The following ZNF827 variants were observed in gnomAD, a reference collection of about 807,000 sequenced individuals.
ZNF827 encodes the protein zinc finger protein 827.
Under a neutral mutation model 102.4 loss-of-function variants are expected in ZNF827, and 13 were observed. The observed-to-expected ratio is 0.13, with a 90% confidence interval of 0.08 to 0.20. The LOEUF is 0.20. ZNF827 is among the 10% of genes least tolerant of loss of function. The pLI, the probability that ZNF827 is intolerant of heterozygous loss-of-function variation, is 1.00. For missense variants in ZNF827, 1,103 were observed against 1,344.4 expected (o/e 0.82, Z 2.81); for synonymous variants, 523 against 536.2 (o/e 0.98, Z 0.34).
In ZNF827 at chr4:145,869,075, C is replaced by T. The variant is rs1748461460; in HGVS notation, c.1981+1170G>A. 1.3e-5 allele frequency among the ~76,000 whole-genome samples: 2 copies of T among 152,304 alleles called. 1 individual carries two copies. Among genetic ancestry groups the T allele is most frequent in the Non-Finnish European group, 2.9e-5 (2 of 68,030 alleles). ...ATCTGCATAGGAGGTACTGCACTAT[C>T]TCTGCAAAGTTTAGGAAGACAGAGC... On this transcript the variant is annotated intron_variant, in intron 5 of 14. Transcript: ENST00000508784.
intron 1 of ZNF827, among the ~76,000 whole-genome samples, chr4:145,917,521 T>C (rs1051751295): frequency 6.6e-6 from 1 of 151,900 alleles, no homozygotes; most frequent in East Asian, 1.9e-4. Flanking sequence ...TCCCTCTTGA[T>C]TACCTCTTAA....
intron 1 of ZNF827, among the ~76,000 whole-genome samples, chr4:145,911,584 T>C (rs1193747850): frequency 6.6e-6 from 1 of 152,202 alleles, no homozygotes; most frequent in Admixed American, 6.5e-5. Flanking sequence ...CTGTACGATA[T>C]CAAAAACTAT....
At chr4:145,860,595 T>C (rs4835261) in intron 5 of ZNF827, among the ~76,000 whole-genome samples, 29,465 of 152,142 alleles carry the variant, frequency 0.19, 3,970 homozygotes, top group East Asian at 0.64. Flanking sequence ...AGATAAGTGA[T>C]ACAAGCATAT....
intron 8 of ZNF827, chr4:145,820,077 G>A (rs2126470241): frequency 6.6e-6 from 1 of 152,654 alleles, no homozygotes; most frequent in Non-Finnish European, 1.5e-5. Flanking sequence ...CCTCACTGCT[G>A]GCTTCCTTCT....
At chr4:145,838,736 GA>G (rs923443016) in intron 7 of ZNF827, among the ~76,000 whole-genome samples, 10 of 151,910 alleles carry the variant, frequency 6.6e-5, no homozygotes, top group Non-Finnish European at 1.5e-4. Context: ...AGTTATAAAT[GA>G]AAAAAAATCC....
At chr4:145,914,241 A>G (rs1315864124) in intron 1 of ZNF827, among the ~76,000 whole-genome samples, 1 of 152,228 alleles carries the variant, frequency 6.6e-6, no homozygotes, top group Non-Finnish European at 1.5e-5. Flanking sequence ...CAAGAGACTT[A>G]GCAAGGGAAA....
At chr4:145,772,694 TA>T (rs1209529706) in intron 11 of ZNF827, among the ~76,000 whole-genome samples, 3 of 152,234 alleles carry the variant, frequency 2.0e-5, no homozygotes, top group Non-Finnish European at 2.9e-5. Context: ...CCCTGGCTTA[TA>T]AAATAGGTTT....
chr4:145,763,863 C>G lies in ZNF827; in HGVS notation c.3231-741G>C, dbSNP rs1407332543. Among the ~76,000 whole-genome samples the G allele has an allele frequency of 6.6e-6, 1 of 152,182 alleles. No homozygotes were observed. The highest frequency in any genetic ancestry group is 6.5e-5 in the Admixed American group (1 of 15,280). On this transcript the variant is annotated intron_variant, in intron 13 of 14. Coordinates refer to ENST00000508784, the MANE Select transcript of ZNF827 (RefSeq NM_001306215.2). The surrounding 1 kb of genome is among the most constrained non-coding windows in gnomAD (Gnocchi z 4.6). ...CAATCCCTTCTGCCCTCCCCTCCCC[C>G]TCCCCCAAGAGTGAAACGAAATGGA...
chr4:145,904,828 G>A (rs1021777008), intron 1 of ZNF827, among the ~76,000 whole-genome samples: 1 of 152,180 alleles, frequency 6.6e-6, no homozygotes, highest in African/African-American at 2.4e-5. Flanking sequence ...GGCAAAACTG[G>A]GTACCACTGG....
intron 8 of ZNF827, chr4:145,820,154 T>C (rs995281562): frequency 2.6e-5 from 4 of 152,714 alleles, no homozygotes; most frequent in Non-Finnish European, 4.4e-5. Context: ...CCAGCAGCTG[T>C]TACACCCTAA....
intron 5 of ZNF827, among the ~76,000 whole-genome samples, chr4:145,862,776 T>C (rs1210147539): frequency 6.6e-6 from 1 of 152,234 alleles, no homozygotes; most frequent in Non-Finnish European, 1.5e-5. Context: ...AATAGCACTA[T>C]GTGAATATGA....
chr4:145,868,342 T>A (rs1748388920), intron 5 of ZNF827, among the ~76,000 whole-genome samples: 1 of 143,300 alleles, frequency 7.0e-6, no homozygotes, highest in South Asian at 2.3e-4. Flanking sequence ...GCACACAGAA[T>A]GCTGAGGATT....
intron 5 of ZNF827, among the ~76,000 whole-genome samples, chr4:145,866,336 C>T (rs1056961530): frequency 6.6e-6 from 1 of 152,226 alleles, no homozygotes; most frequent in African/African-American, 2.4e-5. Context: ...TGTCATCCTA[C>T]TCAAGTTTAC....
chr4:145,812,246 G>A (rs1055073191), intron 8 of ZNF827, among the ~76,000 whole-genome samples: 4 of 152,062 alleles, frequency 2.6e-5, no homozygotes, highest in Non-Finnish European at 2.9e-5. Flanking sequence ...TTTTTAATAT[G>A]AGACTAATGA....
intron 8 of ZNF827, among the ~76,000 whole-genome samples, chr4:145,793,205 C>T (rs1205976105): frequency 2.0e-5 from 3 of 148,420 alleles, no homozygotes; most frequent in Non-Finnish European, 3.0e-5. Flanking sequence ...GTGCACACTG[C>T]ACCCTTTCTG....
chr4:145,920,321 G>A (rs981779353), intron 1 of ZNF827, among the ~76,000 whole-genome samples: 9 of 152,178 alleles, frequency 5.9e-5, no homozygotes, highest in East Asian at 3.9e-4. Context: ...AAAATCTGAC[G>A]GTCTTGGCAC....
intron 5 of ZNF827, among the ~76,000 whole-genome samples, chr4:145,854,796 TC>T (rs1444718894): frequency 1.3e-5 from 2 of 152,230 alleles, no homozygotes; most frequent in Non-Finnish European, 2.9e-5. Context: ...TGAGCAGCCT[TC>T]CTGTATCTTC....
intron 1 of ZNF827, among the ~76,000 whole-genome samples, chr4:145,917,700 CA>C (rs763617063): frequency 8.9e-3 from 417 of 46,834 alleles, no homozygotes; most frequent in South Asian, 0.031. Context: ...GGTAGCTGGT[CA>C]AAAAAAAAAA....
At chr4:145,804,135 A>G (rs933289637) in intron 8 of ZNF827, among the ~76,000 whole-genome samples, 6 of 152,238 alleles carry the variant, frequency 3.9e-5, no homozygotes, top group Admixed American at 3.9e-4. Context: ...GAACGCATAT[A>G]CATATGCGTG....
Sources: allele counts gnomAD v4.1 joint callset (sites outside exome capture counted in the v4.1 genomes callset), GRCh38; gene constraint gnomAD v4.1.1; non-coding constraint Gnocchi (gnomAD v3.1); transcripts MANE v1.5; gene names NCBI Gene and HGNC (gene_info 2026-07-23, HGNC 2026-07-21).